Variants in PDE10A observed in about 807,000 individuals in gnomAD.
PDE10A encodes the protein cAMP and cAMP-inhibited cGMP 3',5'-cyclic phosphodiesterase 10A.
A neutral mutation model predicts 97.7 loss-of-function variants in PDE10A; 39 were observed. The ratio of observed to expected loss-of-function variants is 0.40; its 90% CI spans 0.31 to 0.52. PDE10A has a LOEUF of 0.52. Among genes scored for constraint, PDE10A ranks in the 20% least tolerant of loss-of-function variants. The pLI is 0.56. For synonymous variants in PDE10A, 371 were observed against 376.8 expected (o/e 0.98, Z 0.18); for missense variants, 731 against 1,047.8 (o/e 0.70, Z 4.17).
chr6:165,833,608 C>A (rs556395743), intron 1 of PDE10A, among the ~76,000 whole-genome samples: 14 of 152,246 alleles, frequency 9.2e-5, no homozygotes, highest in Non-Finnish European at 1.8e-4. Flanking sequence ...CAAGCAGTTC[C>A]TTCAGCATGA....
At chr6:165,886,438 A>G (rs1033984685) in intron 1 of PDE10A, among the ~76,000 whole-genome samples, 1 of 152,242 alleles carries the variant, frequency 6.6e-6, no homozygotes, top group Non-Finnish European at 1.5e-5. Context: ...AGAAGCCCCA[A>G]AGTGCTTGCT....
chr6:165,521,427 C>T (rs770929586), intron 2 of PDE10A, among the ~76,000 whole-genome samples: 2 of 152,138 alleles, frequency 1.3e-5, no homozygotes, highest in Non-Finnish European at 2.9e-5. Flanking sequence ...GAGGAAGGCA[C>T]GTCAAAAGCT....
chr6:165,704,068 C>G (rs1036191556), intron 1 of PDE10A, among the ~76,000 whole-genome samples: 11 of 152,334 alleles, frequency 7.2e-5, no homozygotes, highest in African/African-American at 2.6e-4. Context: ...GTAAACTCAA[C>G]TGCAGCCGTG....
chr6:165,826,218 G>A (rs1779739794), intron 1 of PDE10A, among the ~76,000 whole-genome samples: 1 of 152,160 alleles, frequency 6.6e-6, no homozygotes, highest in African/African-American at 2.4e-5. Flanking sequence ...GTAGACTCCA[G>A]GTGACCTGGG....
At chr6:165,738,563 T>A (rs1035095571) in intron 1 of PDE10A, among the ~76,000 whole-genome samples, 1 of 151,986 alleles carries the variant, frequency 6.6e-6, no homozygotes, top group Non-Finnish European at 1.5e-5. Context: ...GTATTTCTAG[T>A]TCTAGATCCC....
At chr6:165,568,257 C>A (rs1404418302) in intron 1 of PDE10A, among the ~76,000 whole-genome samples, 1 of 152,108 alleles carries the variant, frequency 6.6e-6, no homozygotes, top group Non-Finnish European at 1.5e-5. Context: ...CCTCGGCCTC[C>A]CAAAGTGCTG....
At chr6:165,565,292 C>G (rs113410885) in intron 1 of PDE10A, among the ~76,000 whole-genome samples, 8 of 152,048 alleles carry the variant, frequency 5.3e-5, no homozygotes, top group African/African-American at 1.9e-4. Flanking sequence ...CAGTATCTTT[C>G]CTATATTCCA....
chr6:165,646,639 A>G (rs1337955333), intron 1 of PDE10A, among the ~76,000 whole-genome samples: 6 of 152,182 alleles, frequency 3.9e-5, no homozygotes, highest in Non-Finnish European at 8.8e-5. Context: ...AGCAGAACTC[A>G]AGCTTATGAT....
chr6:165,510,387 G>A (rs1340094852), intron 2 of PDE10A, among the ~76,000 whole-genome samples: 1 of 151,894 alleles, frequency 6.6e-6, no homozygotes, highest in African/African-American at 2.4e-5. Flanking sequence ...CCACTTGATT[G>A]TAGTGTATTA....
intron 1 of PDE10A, among the ~76,000 whole-genome samples, chr6:165,870,436 T>C (rs1310173669): frequency 7.2e-5 from 11 of 152,088 alleles, no homozygotes; most frequent in Non-Finnish European, 1.3e-4. Context: ...ATGGCTACTA[T>C]CGAAAAGACA....
At chr6:165,680,199 A>G (rs777872318) in intron 1 of PDE10A, among the ~76,000 whole-genome samples, 1 of 152,206 alleles carries the variant, frequency 6.6e-6, no homozygotes, top group Non-Finnish European at 1.5e-5. Context: ...GTTGTGAAAA[A>G]AAAATCACCA....
intron 1 of PDE10A, among the ~76,000 whole-genome samples, chr6:165,794,298 ACT>A (rs1778759186): frequency 6.6e-6 from 1 of 151,138 alleles, no homozygotes; most frequent in African/African-American, 2.4e-5. Flanking sequence ...TCCCTCCCAC[ACT>A]CACACACGCT....
chr6:165,837,507 T>G (rs1780095191), intron 1 of PDE10A, among the ~76,000 whole-genome samples: 1 of 152,198 alleles, frequency 6.6e-6, no homozygotes, highest in Non-Finnish European at 1.5e-5. Context: ...TTGCCCATGT[T>G]TTTAGCTTAA....
intron 1 of PDE10A, among the ~76,000 whole-genome samples, chr6:165,707,600 G>A (rs1172694104): frequency 1.3e-5 from 2 of 152,110 alleles, no homozygotes; most frequent in East Asian, 3.9e-4. Flanking sequence ...GTGAGTGTGT[G>A]ACAGTGTGTG....
intron 1 of PDE10A, among the ~76,000 whole-genome samples, chr6:165,552,635 A>G (rs1313533312): frequency 6.6e-6 from 1 of 152,190 alleles, no homozygotes; most frequent in Non-Finnish European, 1.5e-5. Flanking sequence ...GAATGAAGGT[A>G]TCCTCGGAAG....
At chr6:165,408,936 C>A (rs220765) in intron 13 of PDE10A, among the ~76,000 whole-genome samples, 35,599 of 151,392 alleles carry the variant, frequency 0.24, 4,588 homozygotes, top group African/African-American at 0.34. Context: ...GAGGCCGAGG[C>A]GGGCGGATCA....
Position 165,411,085 on chromosome 6 carries a change from T to C in PDE10A, c.2076+2416A>G, listed in dbSNP as rs1378836515. The stretch of plus-strand genomic sequence containing the variant: ...CTGGGCAACAGAGCGAGACTCCGCC[T>C]CAAAAAAAAAAAAAAAAAAAAAAAG... On this transcript the variant is annotated intron_variant, in intron 13 of 21. Coordinates refer to ENST00000539869, the MANE Select transcript of PDE10A (RefSeq NM_001385079.1). 6.2e-4 allele frequency among the ~76,000 whole-genome samples: 13 copies of C among 20,962 alleles called. 1 individual carries two copies. In the South Asian group the frequency reaches 0.015, roughly 24 times the overall value. The allele number at this position is 20,962 out of a possible 152,430, so 13.8% of individuals were successfully genotyped here.
intron 6 of PDE10A, among the ~76,000 whole-genome samples, chr6:165,434,016 C>CAAAAA (rs759945561): frequency 3.9e-4 from 21 of 54,416 alleles, no homozygotes; most frequent in African/African-American, 9.8e-4. Context: ...GACTCCGTCT[C>CAAAAA]AAAAAAAAAA....
chr6:165,533,433 G>A (rs1355595581), intron 2 of PDE10A, among the ~76,000 whole-genome samples: 2 of 152,136 alleles, frequency 1.3e-5, no homozygotes, highest in East Asian at 3.9e-4. Context: ...ACTGTAGGTA[G>A]CTATAATACA....
Sources: gnomAD v4.1 joint callset for allele counts (sites outside exome capture counted in the v4.1 genomes callset) on GRCh38, gnomAD v4.1.1 for gene constraint, MANE v1.5 for transcripts, NCBI Gene and HGNC (gene_info 2026-07-23, HGNC 2026-07-21) for gene names.